LRRC4C: variants seen among roughly 807,000 people sequenced by gnomAD.
The protein encoded by LRRC4C is leucine rich repeat containing 4C.
Under a neutral mutation model 33.6 loss-of-function variants are expected in LRRC4C, and 5 were observed. The ratio of observed to expected loss-of-function variants is 0.15; its 90% CI spans 0.08 to 0.31. The LOEUF is 0.31. LRRC4C is among the 10% of genes least tolerant of loss of function. The pLI is 1.00. For synonymous variants in LRRC4C, 329 were observed against 302.0 expected (o/e 1.09, Z -0.93); for missense variants, 560 against 796.7 (o/e 0.70, Z 3.58).
chr11:40,436,235 C>T (rs550266584), intron 3 of LRRC4C, among the ~76,000 whole-genome samples: 1 of 152,158 alleles, frequency 6.6e-6, no homozygotes, highest in African/African-American at 2.4e-5. Context: ...AGAAGACTAA[C>T]AATTATAATA....
chr11:40,254,389 A>G (rs1867035495), intron 4 of LRRC4C, among the ~76,000 whole-genome samples: 1 of 152,220 alleles, frequency 6.6e-6, no homozygotes, highest in Non-Finnish European at 1.5e-5. Flanking sequence ...GCAGAATGAT[A>G]AAGCTAGACA....
At chr11:40,611,862 C>CA (rs1477163879) in intron 3 of LRRC4C, among the ~76,000 whole-genome samples, 1 of 105,720 alleles carries the variant, frequency 9.5e-6, no homozygotes, top group Non-Finnish European at 2.2e-5. Context: ...ATAACAACAA[C>CA]AAAAAACAAC....
intron 1 of LRRC4C, among the ~76,000 whole-genome samples, chr11:41,238,665 A>G (rs1002416193): frequency 6.6e-6 from 1 of 152,212 alleles, no homozygotes; most frequent in African/African-American, 2.4e-5. Flanking sequence ...GAATATAGAC[A>G]TGAAACAGAT....
At chr11:40,803,927 G>T (rs1313722091) in intron 2 of LRRC4C, among the ~76,000 whole-genome samples, 8 of 152,020 alleles carry the variant, frequency 5.3e-5, no homozygotes. Context: ...CAATCCAATT[G>T]TACTTTTTTA....
intron 3 of LRRC4C, among the ~76,000 whole-genome samples, chr11:40,359,750 T>A (rs370349617): frequency 6.6e-6 from 1 of 152,278 alleles, no homozygotes; most frequent in South Asian, 2.1e-4. Flanking sequence ...ATCAACCCAA[T>A]CTGAATAGCC....
chr11:40,639,684 GTTTC>G (rs1941991703), intron 3 of LRRC4C, among the ~76,000 whole-genome samples: 1 of 152,180 alleles, frequency 6.6e-6, no homozygotes, highest in African/African-American at 2.4e-5. Context: ...TTGTGGTGTG[GTTTC>G]TTGAACAGTA....
chr11:40,275,156 T>A (rs535279334), intron 4 of LRRC4C, among the ~76,000 whole-genome samples: 1 of 152,188 alleles, frequency 6.6e-6, no homozygotes, highest in Admixed American at 6.5e-5. Context: ...GTCTGTCTTT[T>A]AAATGTATAA....
At chr11:41,116,613 G>C (rs1942141572) in intron 1 of LRRC4C, among the ~76,000 whole-genome samples, 1 of 152,068 alleles carries the variant, frequency 6.6e-6, no homozygotes, top group Non-Finnish European at 1.5e-5. Flanking sequence ...TTTGGAGAAA[G>C]AGTAAAATGG....
At chr11:41,375,180 G>A (rs1952893389) in intron 1 of LRRC4C, among the ~76,000 whole-genome samples, 2 of 152,086 alleles carry the variant, frequency 1.3e-5, no homozygotes, top group Admixed American at 6.6e-5. Flanking sequence ...CAAATATGGT[G>A]AAAGATCAAA....
intron 2 of LRRC4C, among the ~76,000 whole-genome samples, chr11:40,894,955 T>A (rs534370168): frequency 6.6e-6 from 1 of 152,176 alleles, no homozygotes; most frequent in Non-Finnish European, 1.5e-5. Context: ...TATCTTTTCA[T>A]CTTAGCCCCT....
intron 1 of LRRC4C, among the ~76,000 whole-genome samples, chr11:41,125,590 C>T (rs1189445666): frequency 2.0e-5 from 3 of 152,028 alleles, no homozygotes; most frequent in South Asian, 2.1e-4. Flanking sequence ...TTTGCAATGT[C>T]GCTCATCAAG....
At chr11:40,694,867 C>A (rs950258098) in intron 2 of LRRC4C, among the ~76,000 whole-genome samples, 1 of 152,244 alleles carries the variant, frequency 6.6e-6, no homozygotes, top group South Asian at 2.1e-4. Context: ...ATATCTCAAT[C>A]TTCCTTATTT....
At chr11:41,001,934 G>A (rs1186442757) in intron 1 of LRRC4C, among the ~76,000 whole-genome samples, 1 of 150,094 alleles carries the variant, frequency 6.7e-6, no homozygotes, top group Non-Finnish European at 1.5e-5. Flanking sequence ...GAGATAAATT[G>A]TCCTTTACTA....
intron 1 of LRRC4C, among the ~76,000 whole-genome samples, chr11:41,103,792 C>T (rs1313204415): frequency 6.6e-6 from 1 of 151,788 alleles, no homozygotes; most frequent in Non-Finnish European, 1.5e-5. Flanking sequence ...GACATAGATC[C>T]ATGGCAAAAA....
chr11:41,326,071 G>A (rs1243325735), intron 1 of LRRC4C, among the ~76,000 whole-genome samples: 1 of 151,790 alleles, frequency 6.6e-6, no homozygotes, highest in African/African-American at 2.4e-5. Flanking sequence ...TGTTGCCAAA[G>A]GAGATTAACA....
At chr11:40,584,265 T>G (rs1486488416) in intron 3 of LRRC4C, among the ~76,000 whole-genome samples, 1 of 145,634 alleles carries the variant, frequency 6.9e-6, no homozygotes, top group Non-Finnish European at 1.5e-5. Flanking sequence ...TTTGGCAGCT[T>G]CCATGTCTAT....
At chr11:40,153,586 TAA>T (rs34679448) in intron 5 of LRRC4C, among the ~76,000 whole-genome samples, 11,787 of 148,800 alleles carry the variant, frequency 0.079, 664 homozygotes, top group African/African-American at 0.16. Flanking sequence ...ATAGATAGCT[TAA>T]AAAAAAAAAC....
At chr11:40,629,244 T>G (rs1963248564) in intron 3 of LRRC4C, among the ~76,000 whole-genome samples, 1 of 152,164 alleles carries the variant, frequency 6.6e-6, no homozygotes. Context: ...CCACACACCC[T>G]ATTAAAAATA....
intron 6 of LRRC4C, among the ~76,000 whole-genome samples, chr11:40,123,864 C>A (rs972926060): frequency 6.6e-6 from 1 of 152,112 alleles, no homozygotes; most frequent in African/African-American, 2.4e-5. Flanking sequence ...GTAACCAAAA[C>A]AGCATGGTAC....
Sources: allele counts gnomAD v4.1 joint callset (sites outside exome capture counted in the v4.1 genomes callset), GRCh38; gene constraint gnomAD v4.1.1; transcripts MANE v1.5; gene names NCBI Gene and HGNC (gene_info 2026-07-23, HGNC 2026-07-21).